The following ARHGAP10 variants were observed in gnomAD, a reference collection of about 807,000 sequenced individuals.
The protein encoded by ARHGAP10 is Rho GTPase activating protein 10.
Under a neutral mutation model 108.6 loss-of-function variants are expected in ARHGAP10, and 87 were observed. The ratio of observed to expected loss-of-function variants is 0.80; its 90% confidence interval spans 0.67 to 0.96. ARHGAP10 has a LOEUF of 0.96. Ranked by LOEUF, ARHGAP10 falls within the 40% of genes least tolerant of loss-of-function variation. The pLI is 0.00. For synonymous variants in ARHGAP10, 347 were observed against 341.1 expected (o/e 1.02, Z -0.19); for missense variants, 939 against 954.5 (o/e 0.98, Z 0.21).
intron 1 of ARHGAP10, among the ~76,000 whole-genome samples, chr4:147,784,691 T>C (rs1730757171): frequency 1.1e-5 from 1 of 92,930 alleles, no homozygotes; most frequent in Non-Finnish European, 1.9e-5. Flanking sequence ...ATATAAAATA[T>C]ATATTATAAA....
chr4:148,066,534 A>T (rs1013451172), intron 22 of ARHGAP10, among the ~76,000 whole-genome samples: 1 of 152,222 alleles, frequency 6.6e-6, no homozygotes, highest in African/African-American at 2.4e-5. Context: ...AGTCTTCCTA[A>T]AAAGAAAGTG....
chr4:148,001,220 G>A (rs1299919905), intron 18 of ARHGAP10, among the ~76,000 whole-genome samples: 1 of 152,112 alleles, frequency 6.6e-6, no homozygotes, highest in Non-Finnish European at 1.5e-5. Context: ...AGATCATACG[G>A]TTGTAGATGT....
At chr4:147,843,097 AC>A (rs1331813922) in intron 3 of ARHGAP10, among the ~76,000 whole-genome samples, 3 of 152,012 alleles carry the variant, frequency 2.0e-5, no homozygotes, top group Admixed American at 2.0e-4. Flanking sequence ...AAGCCCACAA[AC>A]CCGTTTGTAC....
intron 13 of ARHGAP10, among the ~76,000 whole-genome samples, chr4:147,920,259 A>T (rs899971483): frequency 7.4e-6 from 1 of 136,054 alleles, no homozygotes; most frequent in Non-Finnish European, 1.5e-5. Flanking sequence ...TCTACCAAAA[A>T]TACAAAAATT....
chr4:147,926,832 G>A (rs778056457), intron 13 of ARHGAP10, among the ~76,000 whole-genome samples: 3 of 152,182 alleles, frequency 2.0e-5, no homozygotes, highest in African/African-American at 4.8e-5. Flanking sequence ...CTCTAGAAAG[G>A]TCAGGTTGGT....
At chr4:147,762,948 G>A (rs894362996) in intron 1 of ARHGAP10, among the ~76,000 whole-genome samples, 4 of 151,988 alleles carry the variant, frequency 2.6e-5, no homozygotes, top group Admixed American at 2.0e-4. Flanking sequence ...GGGTAATGAA[G>A]GATAACAAAA....
intron 21 of ARHGAP10, among the ~76,000 whole-genome samples, chr4:148,063,949 C>T (rs1476524698): frequency 6.6e-6 from 1 of 152,226 alleles, no homozygotes; most frequent in Non-Finnish European, 1.5e-5. Flanking sequence ...CAACAAGCCC[C>T]TTCTAGAGCG....
At chr4:147,873,875 TA>T (rs11339382) in intron 7 of ARHGAP10, among the ~76,000 whole-genome samples, 13,846 of 132,370 alleles carry the variant, frequency 0.1, 1,814 homozygotes, top group African/African-American at 0.32. Context: ...ACCCTGTCTT[TA>T]AAAAAAAAAA....
chr4:148,029,852 C>T (rs1001887669), intron 19 of ARHGAP10, among the ~76,000 whole-genome samples: 5 of 152,142 alleles, frequency 3.3e-5, no homozygotes, highest in Admixed American at 3.3e-4. Context: ...TCTTAACTCA[C>T]TTTTACAATG....
intron 11 of ARHGAP10, among the ~76,000 whole-genome samples, chr4:147,908,371 A>G (rs2126912847): frequency 6.6e-6 from 1 of 152,346 alleles, no homozygotes; most frequent in Non-Finnish European, 1.5e-5. Flanking sequence ...CAGTTTGCGT[A>G]GCGAAAAGAC....
At chr4:148,041,609 G>A (rs905649499) in intron 19 of ARHGAP10, among the ~76,000 whole-genome samples, 1 of 152,216 alleles carries the variant, frequency 6.6e-6, no homozygotes, top group Non-Finnish European at 1.5e-5. Flanking sequence ...GAATTATCAA[G>A]CTCTTGTTTC....
At chr4:147,948,591 A>G (rs1738475463) in intron 15 of ARHGAP10, among the ~76,000 whole-genome samples, 2 of 152,244 alleles carry the variant, frequency 1.3e-5, no homozygotes, top group East Asian at 3.9e-4. Flanking sequence ...TTCTTTAGCC[A>G]TGCTGTGTCC....
chr4:147,757,144 T>G (rs1049528687), intron 1 of ARHGAP10, among the ~76,000 whole-genome samples: 1 of 151,566 alleles, frequency 6.6e-6, no homozygotes, highest in African/African-American at 2.4e-5. Context: ...AGGCAAACAT[T>G]GGATATCAGA....
At chr4:147,951,166 G>A (rs996838735) in intron 15 of ARHGAP10, among the ~76,000 whole-genome samples, 1 of 152,096 alleles carries the variant, frequency 6.6e-6, no homozygotes, top group Non-Finnish European at 1.5e-5. Flanking sequence ...GTAACTTGTA[G>A]AAGATATTCA....
At chr4:147,735,416 C>CTT (rs1560730708) in intron 1 of ARHGAP10, among the ~76,000 whole-genome samples, 1 of 152,120 alleles carries the variant, frequency 6.6e-6, no homozygotes, top group African/African-American at 2.4e-5. Context: ...TTGGAACTCA[C>CTT]TGGTGATAAG....
At chr4:147,814,427 T>A (rs6824823) in intron 1 of ARHGAP10, among the ~76,000 whole-genome samples, 134,251 of 152,138 alleles carry the variant, frequency 0.88, 60,418 homozygotes, top group Non-Finnish European at 0.96. Context: ...GTGAATGTTG[T>A]TACTCCAATG....
intron 14 of ARHGAP10, 22 bp downstream of exon 14, chr4:147,939,921 T>G (rs1360550588): frequency 1.9e-6 from 3 of 1,592,816 alleles, no homozygotes; most frequent in Non-Finnish European, 2.6e-6. Flanking sequence ...TTCTAATCAT[T>G]TTTCCATGTG....
In ARHGAP10 at chr4:148,064,432, G is replaced by T. The variant is rs775206140; in HGVS notation, c.2197G>T (p.Ala733Ser). The T allele has an allele frequency of 1.7e-5, 27 of 1,613,854 alleles. No individual in the cohort carries two copies. Among genetic ancestry groups the T allele is most frequent in the Non-Finnish European group, 2.0e-5 (24 of 1,179,978 alleles). ...KPPESIRSRK[A>S]RAVYPCEAEH... ...TCTTTTCAGCATCCGCAGTCGGAAGGCTCGAGCCGTGTATCCGTGTGAAGC... is the reference window on the plus strand; with the variant it reads ...TCTTTTCAGCATCCGCAGTCGGAAGTCTCGAGCCGTGTATCCGTGTGAAGC... Residue 733 changes from alanine to serine, a missense_variant, in exon 22 of 23, where the codon GCT becomes TCT. By Grantham distance (99) the Ala-to-Ser change is moderately conservative. Coordinates refer to ENST00000336498, the MANE Select transcript of ARHGAP10 (RefSeq NM_024605.4).
At position 147,946,667 on chromosome 4, in the gene ARHGAP10, G is replaced by A; in HGVS notation, c.1354G>A (p.Val452Met). ...CCTGGAGAATTCTGCAGATTGGGAA[G>A]TGAAGACAATAACAAGTGCCTTGAA... is the stretch of plus-strand genomic sequence containing the variant. ...VDLENSADWE[V>M]KTITSALKQY... The change falls in exon 15 of 23, where the codon GTG (valine) becomes ATG (methionine). Residue 452 changes from valine (V) to methionine (M), a missense_variant. Val to Met is a conservative substitution (Grantham distance 21, BLOSUM62 1). Transcript: ENST00000336498. 1 of 1,612,558 alleles carries A rather than the reference G, an allele frequency of 6.2e-7. No homozygotes were observed.
Sources: gnomAD v4.1 joint callset for allele counts (sites outside exome capture counted in the v4.1 genomes callset) on GRCh38, gnomAD v4.1.1 for gene constraint, MANE v1.5 for transcripts, NCBI Gene and HGNC (gene_info 2026-07-23, HGNC 2026-07-21) for gene names.